The following ILRUN variants were observed in gnomAD, a reference collection of about 807,000 sequenced individuals.
The protein encoded by ILRUN is inflammation and lipid regulator with UBA-like and NBR1-like domains, also known as protein ILRUN.
In ILRUN, 3 loss-of-function variants were observed where a neutral mutation model predicts 33.8. The observed-to-expected ratio is 0.09, with a 90% CI of 0.04 to 0.23. The LOEUF (loss-of-function observed/expected upper bound fraction) is 0.23, where lower values mean the gene tolerates loss of function less well. ILRUN is among the 10% of genes least tolerant of loss of function. The pLI is 1.00. For missense variants in ILRUN, 210 were observed against 375.1 expected (o/e 0.56, Z 3.64); for synonymous variants, 124 against 138.9 (o/e 0.89, Z 0.75).
At chr6:34,601,500 C>T (rs1277652747) in intron 4 of ILRUN, among the ~76,000 whole-genome samples, 2 of 152,172 alleles carry the variant, frequency 1.3e-5, no homozygotes, top group African/African-American at 2.4e-5. Flanking sequence ...AGCACTAGCC[C>T]AGTTGAGGAC....
chr6:34,694,960 A>T (rs1581566696), intron 1 of ILRUN, among the ~76,000 whole-genome samples: 1 of 150,752 alleles, frequency 6.6e-6, no homozygotes, highest in East Asian at 1.9e-4. Flanking sequence ...TTGAGACAGG[A>T]GAATTGCTTG....
intron 1 of ILRUN, among the ~76,000 whole-genome samples, chr6:34,683,963 C>T (rs1474832446): frequency 6.6e-6 from 1 of 151,828 alleles, no homozygotes; most frequent in Non-Finnish European, 1.5e-5. Context: ...ACTTGGGAGG[C>T]TGAGGTGGGA....
intron 1 of ILRUN, among the ~76,000 whole-genome samples, chr6:34,693,972 T>C (rs1004469105): frequency 7.2e-5 from 11 of 152,066 alleles, no homozygotes; most frequent in Non-Finnish European, 1.5e-5. Flanking sequence ...GTGCATACCA[T>C]TAAGCCCGAC....
At chr6:34,647,758 T>G (rs573693884) in intron 2 of ILRUN, among the ~76,000 whole-genome samples, 1 of 152,292 alleles carries the variant, frequency 6.6e-6, no homozygotes, top group East Asian at 1.9e-4. Context: ...AGAGATGGGG[T>G]TTCACTATGT....
intron 1 of ILRUN, among the ~76,000 whole-genome samples, chr6:34,674,089 G>GC (rs1763177447): frequency 1.3e-5 from 2 of 152,116 alleles, no homozygotes; most frequent in Admixed American, 1.3e-4. Flanking sequence ...GGGCAGTGGT[G>GC]CGATCTTGAC....
At chr6:34,604,051 T>G (rs926888353) in intron 4 of ILRUN, among the ~76,000 whole-genome samples, 1 of 152,234 alleles carries the variant, frequency 6.6e-6, no homozygotes, top group African/African-American at 2.4e-5. Context: ...CTTTGGCATC[T>G]AAGTTTCACA....
At chr6:34,595,067 G>A (rs1205116188) in intron 4 of ILRUN, among the ~76,000 whole-genome samples, 1 of 152,206 alleles carries the variant, frequency 6.6e-6, no homozygotes, top group Non-Finnish European at 1.5e-5. Flanking sequence ...GATGAGCTCA[G>A]TCTCATCCTT....
intron 3 of ILRUN, among the ~76,000 whole-genome samples, chr6:34,632,063 T>C (rs958206969): frequency 4.6e-5 from 7 of 152,174 alleles, no homozygotes; most frequent in African/African-American, 1.7e-4. Context: ...TAAGAATAGG[T>C]AGCACAATAC....
At chr6:34,691,874 C>G (rs1416953534) in intron 1 of ILRUN, among the ~76,000 whole-genome samples, 2 of 152,152 alleles carry the variant, frequency 1.3e-5, no homozygotes, top group African/African-American at 4.8e-5. Context: ...AAAAGACTCA[C>G]AAGGCCAAAA....
intron 4 of ILRUN, among the ~76,000 whole-genome samples, chr6:34,590,810 C>T (rs1218889191): frequency 6.6e-6 from 1 of 152,186 alleles, no homozygotes; most frequent in Non-Finnish European, 1.5e-5. Context: ...AAAGATTTCT[C>T]ACATCATCCA....
rs576884918 is a variant in ILRUN, at chr6:34,601,983, C to T, written c.861+4572G>A. On this transcript the variant is annotated intron_variant, in intron 4 of 4. Transcript: ENST00000374023. ...CTTGGCAGGGATGGCTCTGGAGGAG[C>T]GGGATGAACCTCCCCACAAAGATAA... is the stretch of plus-strand genomic sequence containing the variant. Among the ~76,000 whole-genome samples, 21 of 152,206 alleles carry T rather than the reference C, an allele frequency of 1.4e-4. No individual in the cohort carries two copies. In the East Asian group the frequency reaches 3.5e-3, roughly 25 times the overall value.
intron 1 of ILRUN, among the ~76,000 whole-genome samples, chr6:34,661,494 C>A (rs916464103): frequency 6.6e-6 from 1 of 152,124 alleles, no homozygotes; most frequent in South Asian, 2.1e-4. Flanking sequence ...AAGAAAGTTT[C>A]TCTCATAGTA....
At position 34,632,553 on chromosome 6, in the gene ILRUN, A is replaced by ATTTT. The variant is rs1219435236; in HGVS notation, c.511+14044_511+14047dup. ...GTATTTCTTTTTATCAGAGCAAATA[A>ATTTT]TTTTTTTTTTTTTTTTTTGAGATGG... On this transcript the variant is annotated intron_variant, in intron 3 of 4. Transcript: ENST00000374023. Among the ~76,000 whole-genome samples the ATTTT allele has an allele frequency of 2.8e-3, 387 of 136,752 alleles. 3 individuals carry two copies. Among genetic ancestry groups the ATTTT allele is most frequent in the African/African-American group, 9.3e-3 (336 of 35,954 alleles). The allele number at this position is 136,752 out of a possible 152,430, so 89.7% of individuals were successfully genotyped here.
rs1200308873 is a variant in ILRUN at position 34,592,787 on chromosome 6, C to T, written c.862-2187G>A. Reference sequence around the variant, plus strand: ...AACAACAATCATTCATCTAGAACTACCCAAGGAAAGCAACAAAAACTTTAA... The same window carrying T: ...AACAACAATCATTCATCTAGAACTATCCAAGGAAAGCAACAAAAACTTTAA... On this transcript the variant is annotated intron_variant, in intron 4 of 4. Transcript: ENST00000374023. The surrounding 1 kb of genome is among the most constrained non-coding windows in gnomAD (Gnocchi z 4.0). Among the ~76,000 whole-genome samples the T allele has an allele frequency of 3.9e-5, 6 of 151,998 alleles. No individual in the cohort carries two copies. Among genetic ancestry groups the T allele is most frequent in the Non-Finnish European group, 8.8e-5 (6 of 68,012 alleles).
chr6:34,590,518 G>C lies in ILRUN; in HGVS notation c.*47C>G. 6.2e-7 allele frequency: 1 copy of C among 1,613,302 alleles called. No homozygotes were observed. Among genetic ancestry groups the C allele is most frequent in the Non-Finnish European group, 8.5e-7 (1 of 1,179,612 alleles). Reference sequence around the variant, plus strand: ...GAACCCCTTGCCCTAACCCCCCAAAGTCAGGCCTTCTGTCTTTTGTTAATT... The same window carrying C: ...GAACCCCTTGCCCTAACCCCCCAAACTCAGGCCTTCTGTCTTTTGTTAATT... On this transcript the variant is annotated 3_prime_UTR_variant, in exon 5 of 5. Transcript: ENST00000374023.
intron 1 of ILRUN, among the ~76,000 whole-genome samples, chr6:34,683,131 TAC>T (rs1323484133): frequency 6.1e-5 from 9 of 147,730 alleles, no homozygotes; most frequent in South Asian, 2.1e-4. Context: ...AATATATATA[TAC>T]ACACACACAC....
At chr6:34,659,618 CTTTTTT>C (rs985939505) in intron 1 of ILRUN, among the ~76,000 whole-genome samples, 2 of 91,474 alleles carry the variant, frequency 2.2e-5, no homozygotes, top group Non-Finnish European at 4.0e-5. Context: ...ATAAGGCAGT[CTTTTTT>C]TTTTTTTTTT....
At chr6:34,682,039 T>TTTTTTTTTTTTTA (rs1371036341) in intron 1 of ILRUN, among the ~76,000 whole-genome samples, 51 of 104,946 alleles carry the variant, frequency 4.9e-4, no homozygotes, top group African/African-American at 9.5e-4. Flanking sequence ...TTTATTTTTT[T>TTTTTTTTTTTTTA]ACTTTTTTTT....
intron 1 of ILRUN, among the ~76,000 whole-genome samples, chr6:34,683,417 TACA>T (rs1418506241): frequency 2.7e-5 from 2 of 74,730 alleles, no homozygotes; most frequent in African/African-American, 2.0e-4. Context: ...CATATATATA[TACA>T]TATATATACA....
Sources: gnomAD v4.1 joint callset for allele counts (sites outside exome capture counted in the v4.1 genomes callset) on GRCh38, gnomAD v4.1.1 for gene constraint, Gnocchi (gnomAD v3.1) non-coding constraint, MANE v1.5 for transcripts, NCBI Gene and HGNC (gene_info 2026-07-23, HGNC 2026-07-21) for gene names.